The following PRKCG variants were observed in gnomAD, a reference collection of about 807,000 sequenced individuals.
PRKCG encodes the protein protein kinase C gamma, also known as protein kinase C gamma type.
In PRKCG, 28 loss-of-function variants were observed where a neutral mutation model predicts 82.0. The observed-to-expected ratio is 0.34, with a 90% CI of 0.25 to 0.47. The LOEUF is 0.47. Ranked by LOEUF, PRKCG falls within the 20% of genes least tolerant of loss-of-function variation. The pLI, the probability that PRKCG is intolerant of heterozygous loss-of-function variation, is 1.00. For missense variants in PRKCG, 640 were observed against 952.7 expected, an observed-to-expected ratio of 0.67 and a Z score of 4.32; for synonymous variants, 383 against 376.6, an observed-to-expected ratio of 1.02 and a Z score of -0.20.
intron 14 of PRKCG, among the ~76,000 whole-genome samples, chr19:53,902,378 C>A (rs2068770099): frequency 6.6e-6 from 1 of 152,104 alleles, no homozygotes; most frequent in Non-Finnish European, 1.5e-5. Flanking sequence ...TGCACCACTG[C>A]ACTGCATCCT....
rs1568749916 is a variant in PRKCG, at chr19:53,884,305, G to A, written c.285+62G>A. The stretch of plus-strand genomic sequence containing the variant: ...GTGCCCCCGCCCTCACCCCCTCGGC[G>A]TCCGTCCCAATTTCTCCTGCTATTT... On this transcript the variant is annotated intron_variant, in intron 3 of 17. Transcript: ENST00000263431. The surrounding 1 kb of genome is among the most constrained non-coding windows in gnomAD (Gnocchi z 4.6). 7.5e-6 allele frequency: 11 copies of A among 1,469,706 alleles called. No homozygotes were observed. Among genetic ancestry groups the A allele is most frequent in the Admixed American group, 3.3e-5 (2 of 59,758 alleles). 91.0% of individuals were successfully genotyped at this position (1,469,706 alleles called of 1,614,324 possible). A position where few individuals can be genotyped will look rare whatever the true frequency, so the allele number is the denominator to read the frequency against.
At chr19:53,893,460 G>A in intron 9 of PRKCG, 69 bp downstream of exon 9, 1 of 1,497,364 alleles carries the variant, frequency 6.7e-7, no homozygotes, top group East Asian at 2.3e-5. Context: ...TTCCTCCTCT[G>A]ACTTCTGTCT....
At chr19:53,893,938 G>A (rs1206469103) in intron 9 of PRKCG, among the ~76,000 whole-genome samples, 1 of 150,792 alleles carries the variant, frequency 6.6e-6, no homozygotes, top group Non-Finnish European at 1.5e-5. Context: ...TTTATTTTTA[G>A]TAGAGATGGG....
At position 53,883,482 on chromosome 19, in the gene PRKCG, G is replaced by C. The variant is rs1316879636; in HGVS notation, c.202+288G>C. ...GGAGATTTGGAAAAGGGGAGCTGAA[G>C]GGGGGAAGGGGGAGGGGGCTGGAGA... On this transcript the variant is annotated intron_variant, in intron 2 of 17. Coordinates refer to ENST00000263431, the MANE Select transcript of PRKCG (RefSeq NM_002739.5). This position sits in a 1 kb window ranked among gnomAD's most constrained non-coding sequence, Gnocchi z 5.4. Among the ~76,000 whole-genome samples the C allele has an allele frequency of 6.6e-6, 1 of 151,966 alleles. No individual in the cohort carries two copies. The highest frequency in any genetic ancestry group is 1.5e-5 in the Non-Finnish European group (1 of 67,980).
intron 9 of PRKCG, among the ~76,000 whole-genome samples, chr19:53,897,735 A>AG (rs1358179888): frequency 6.7e-6 from 1 of 149,976 alleles, no homozygotes; most frequent in Admixed American, 6.6e-5. Context: ...TAAAAAAAAA[A>AG]AAGAAGAAAA....
intron 14 of PRKCG, among the ~76,000 whole-genome samples, 181 bp from the exon 15 acceptor site, chr19:53,902,890 CAA>C (rs56955659): frequency 3.7e-3 from 74 of 19,968 alleles, no homozygotes; most frequent in African/African-American, 9.2e-3. Context: ...GAGACCCTGT[CAA>C]AAAAAAAAAA....
In PRKCG at chr19:53,906,374, A is replaced by G. The variant is rs1031815043; in HGVS notation, c.1822A>G (p.Ile608Val). The change falls in exon 17 of 18, where the codon ATC becomes GTC. Residue 608 changes from isoleucine (I) to valine (V), a missense_variant. Around this residue, in one of 7 missense-constraint regions of PRKCG, gnomAD observed 198 missense variants for 273.4 expected, o/e 0.72. Transcript: ENST00000263431. ...LGSGPDGEPTIRAHGFFRWID... is the reference protein window; with the variant it reads ...LGSGPDGEPTVRAHGFFRWID... Reference sequence around the variant, plus strand: ...CTCAGGGCCTGATGGGGAACCTACCATCCGTGCACATGGCTTTTTCCGCTG... The same window carrying G: ...CTCAGGGCCTGATGGGGAACCTACCGTCCGTGCACATGGCTTTTTCCGCTG... 1.9e-6 allele frequency: 3 copies of G among 1,557,002 alleles called. No individual in the cohort carries two copies. Among genetic ancestry groups the G allele is most frequent in the Non-Finnish European group, 2.6e-6 (3 of 1,149,776 alleles).
At chr19:53,898,155 G>A in intron 10 of PRKCG, 44 bp downstream of exon 10, 1 of 1,606,538 alleles carries the variant, frequency 6.2e-7, no homozygotes, top group Middle Eastern at 1.7e-4. Flanking sequence ...ATGTCTGTGG[G>A]AAGGTCAGAT....
chr19:53,891,616 G>A, intron 5 of PRKCG, 58 bp from the exon 6 acceptor site: 2 of 1,598,192 alleles, frequency 1.3e-6, no homozygotes, highest in South Asian at 2.2e-5. Context: ...CTGGAGGAGG[G>A]CTGGGAGCCC....
intron 15 of PRKCG, 90 bp downstream of exon 15, chr19:53,903,243 G>GA (rs1221673812): frequency 9.9e-7 from 1 of 1,011,102 alleles, no homozygotes; most frequent in African/African-American, 1.6e-5. Flanking sequence ...AAGGAGCCCA[G>GA]AAGGTTGTGC....
rs779475805 is a variant in PRKCG, at chr19:53,906,698, C to T, written c.1906-9C>T. On this transcript the variant is annotated splice_polypyrimidine_tract_variant and intron_variant, in intron 17 of 17. Transcript: ENST00000263431. ...CTGCTTAACTTTCCCTCCCCCACGT[C>T]TCCCACAGTGTGGCCGCAGCGGCGA... The T allele has an allele frequency of 1.2e-6, 2 of 1,612,422 alleles. No homozygotes were observed. The highest frequency in any genetic ancestry group is 1.7e-6 in the Non-Finnish European group (2 of 1,179,984).
In PRKCG at chr19:53,890,057, A is replaced by G. The variant is rs1286464067; in HGVS notation, c.529+40A>G. 2.0e-6 allele frequency: 3 copies of G among 1,509,426 alleles called. No homozygotes were observed. The Admixed American group carries it at 6.2e-5, about 31-fold the overall frequency. 93.5% of individuals were successfully genotyped at this position (1,509,426 alleles called of 1,614,324 possible). A position where few individuals can be genotyped will look rare whatever the true frequency, so the allele number is the denominator to read the frequency against. ...CCTCGCCTGGCCCCGCCCCCTCCCC[A>G]AGTGTGAGGCGGGGCTGACCCAAGG... On this transcript the variant is annotated intron_variant, in intron 5 of 17. Transcript: ENST00000263431.
Position 53,892,873 on chromosome 19 carries a change from C to G in PRKCG, c.822-115C>G. 9.0e-7 allele frequency: 1 copy of G among 1,116,600 alleles called. No homozygotes were observed. Among genetic ancestry groups the G allele is most frequent in the Non-Finnish European group, 1.3e-6 (1 of 757,088 alleles). 69.2% of individuals were successfully genotyped at this position (1,116,600 alleles called of 1,614,324 possible). A position where few individuals can be genotyped will look rare whatever the true frequency, so the allele number is the denominator to read the frequency against. On this transcript the variant is annotated intron_variant, in intron 7 of 17. Coordinates refer to ENST00000263431, the MANE Select transcript of PRKCG (RefSeq NM_002739.5). The surrounding 1 kb of genome is among the most constrained non-coding windows in gnomAD (Gnocchi z 5.9). The stretch of plus-strand genomic sequence containing the variant: ...CCTCTCTTTTTATCTCACTCTTTCT[C>G]TCTTCCATCTCTGTGTCCGTCTCTC...
At position 53,900,704 on chromosome 19, in the gene PRKCG, G is replaced by A. The variant is rs540330798; in HGVS notation, c.1530G>A (p.Thr510=). ...GMCKENVFPG[T]TTRTFCGTPD... is the part of the protein sequence containing the mutation. ...GTAAGGAGAACGTCTTCCCCGGGAC[G>A]ACAACCCGCACCTTCTGCGGGACCC... Residue 510 remains threonine, a synonymous_variant, in exon 14 of 18, where the codon ACG becomes ACA. Coordinates refer to ENST00000263431, the MANE Select transcript of PRKCG (RefSeq NM_002739.5). The surrounding 1 kb of genome is among the most constrained non-coding windows in gnomAD (Gnocchi z 4.2). 1.2e-6 allele frequency: 2 copies of A among 1,614,200 alleles called. No homozygotes were observed. Among genetic ancestry groups the A allele is most frequent in the Admixed American group, 1.7e-5 (1 of 60,022 alleles).
chr19:53,882,114 T>C, upstream of PRKCG: 3 of 292,618 alleles, frequency 1.0e-5, no homozygotes, highest in Non-Finnish European at 2.0e-5. This position sits in a 1 kb window ranked among gnomAD's most constrained non-coding sequence, Gnocchi z 6.1. Flanking sequence ...ATTTGTCCCG[T>C]GTCTCCGGGA....
intron 5 of PRKCG, 29 bp downstream of exon 5, chr19:53,890,046 G>GC: frequency 6.5e-7 from 1 of 1,536,602 alleles, no homozygotes. Flanking sequence ...GCCTGGCCCC[G>GC]CCCCCTCCCC....
In PRKCG at chr19:53,900,715, C is replaced by T; in HGVS notation, c.1541C>T (p.Thr514Ile). The change falls in exon 14 of 18, where the codon ACC becomes ATC. Residue 514 changes from threonine (T) to isoleucine (I), a missense_variant. By Grantham distance (89) the Thr-to-Ile change is moderately conservative (BLOSUM62 -1). Transcript: ENST00000263431. The surrounding 1 kb of genome is among the most constrained non-coding windows in gnomAD (Gnocchi z 4.2). ...GTCTTCCCCGGGACGACAACCCGCA[C>T]CTTCTGCGGGACCCCGGACTACATA... The part of the protein sequence containing the change: ...ENVFPGTTTR[T>I]FCGTPDYIAP... 6.2e-7 allele frequency: 1 copy of T among 1,614,226 alleles called. No individual in the cohort carries two copies. Among genetic ancestry groups the T allele is most frequent in the Non-Finnish European group, 8.5e-7 (1 of 1,180,046 alleles).
chr19:53,897,932 C>T (rs1310892081), intron 9 of PRKCG, 27 bp from the exon 10 acceptor site: 2 of 1,613,814 alleles, frequency 1.2e-6, no homozygotes, highest in Non-Finnish European at 1.7e-6. Context: ...CTAACTGCCT[C>T]TGGCTCTTTC....
At position 53,900,557 on chromosome 19, in the gene PRKCG, C is replaced by T; in HGVS notation, c.1437-54C>T. 3 of 1,614,208 alleles carry T rather than the reference C, an allele frequency of 1.9e-6. No homozygotes were observed. Among genetic ancestry groups the T allele is most frequent in the South Asian group, 1.1e-5 (1 of 91,090 alleles). ...AGGGATTTGAATATGTGGCTCTAGA[C>T]TGCTGAACTCAACACTTCTTGCAAT... On this transcript the variant is annotated intron_variant, in intron 13 of 17. Transcript: ENST00000263431. The surrounding 1 kb of genome is among the most constrained non-coding windows in gnomAD (Gnocchi z 4.2).
Sources: gnomAD v4.1 joint callset for allele counts (sites outside exome capture counted in the v4.1 genomes callset) on GRCh38, gnomAD v4.1.1 for gene constraint, gnomAD v4.1.1 regional missense constraint, Gnocchi (gnomAD v3.1) non-coding constraint, MANE v1.5 for transcripts, NCBI Gene and HGNC (gene_info 2026-07-23, HGNC 2026-07-21) for gene names.